Variants in CHRNB1 observed in about 807,000 individuals in gnomAD.
CHRNB1 encodes cholinergic receptor nicotinic beta 1 subunit, also known as acetylcholine receptor subunit beta.
A neutral mutation model predicts 53.8 loss-of-function variants in CHRNB1; 47 were observed. That is an observed-to-expected ratio of 0.87 (90% confidence interval 0.69 to 1.11). The LOEUF is 1.11. Ranked by LOEUF, CHRNB1 falls within the 50% of genes most tolerant of loss-of-function variation. The pLI, the probability that CHRNB1 is intolerant of heterozygous loss-of-function variation, is 0.00. For missense variants in CHRNB1, 605 were observed against 654.9 expected (o/e 0.92, Z 0.83); for synonymous variants, 259 against 263.5 (o/e 0.98, Z 0.16).
In CHRNB1 at chr17:7,445,272, G is replaced by C; in HGVS notation, c.61G>C (p.Val21Leu). ...GALGAPLAPG[V>L]RGSEAEGRLR... The stretch of plus-strand genomic sequence containing the variant: ...GCACTTATTCTCTCCTCCCCCAGGC[G>C]TCCGCGGCTCGGAGGCGGAGGGTCG... The change falls in exon 2 of 11, where the codon GTC becomes CTC. Residue 21 changes from valine to leucine, a missense_variant and splice_region_variant. Physicochemically the swap from Val to Leu is conservative, Grantham distance 32. Coordinates refer to ENST00000306071, the MANE Select transcript of CHRNB1 (RefSeq NM_000747.3). This position sits in a 1 kb window ranked among gnomAD's most constrained non-coding sequence, Gnocchi z 5.7. The C allele has an allele frequency of 6.2e-7, 1 of 1,612,952 alleles. No individual in the cohort carries two copies.
At chr17:7,454,661 C>G in intron 8 of CHRNB1, 141 bp downstream of exon 8, 1 of 716,982 alleles carries the variant, frequency 1.4e-6, no homozygotes, top group Non-Finnish European at 2.5e-6. Flanking sequence ...CCATCATTAT[C>G]ATTTCACAGA....
intron 8 of CHRNB1, among the ~76,000 whole-genome samples, chr17:7,454,867 A>G (rs1446847337): frequency 1.4e-5 from 2 of 138,540 alleles, no homozygotes; most frequent in East Asian, 2.1e-4. Context: ...CAATGGCACA[A>G]TCTCAGCTCA....
chr17:7,450,571 A>G (rs1908849287), intron 7 of CHRNB1, among the ~76,000 whole-genome samples: 1 of 152,230 alleles, frequency 6.6e-6, no homozygotes. Flanking sequence ...AGTAAGTTCT[A>G]TGTAAGCACT....
rs1908576780 is a variant in CHRNB1 at position 7,445,683 on chromosome 17, C to T, written c.198+274C>T. The T allele has an allele frequency of 8.0e-7, 1 of 1,242,270 alleles. No homozygotes were observed. Among genetic ancestry groups the T allele is most frequent in the Non-Finnish European group, 1.1e-6 (1 of 927,094 alleles). 77.0% of individuals were successfully genotyped at this position (1,242,270 alleles called of 1,614,324 possible). On this transcript the variant is annotated intron_variant, in intron 2 of 10. Transcript: ENST00000306071. The surrounding 1 kb of genome is among the most constrained non-coding windows in gnomAD (Gnocchi z 5.7). ...TGGGGACGAGGCAGGGGCTGGGGGA[C>T]GGACCTCGACGTAGGGCCACATGAG...
Position 7,456,675 on chromosome 17 carries a change from C to T in CHRNB1, c.1458C>T (p.Ile486=). The change falls in exon 11 of 11, where the codon ATC becomes ATT. Residue 486 remains isoleucine, a synonymous_variant. Coordinates refer to ENST00000306071, the MANE Select transcript of CHRNB1 (RefSeq NM_000747.3). ...TCACCAGCGTTGGGACCCTAGTCAT[C>T]TTCCTGGACGCCACGTACCACTTGC... ...IIFTSVGTLV[I]FLDATYHLPP... 1 of 1,614,182 alleles carries T rather than the reference C, an allele frequency of 6.2e-7. No individual in the cohort carries two copies. Among genetic ancestry groups the T allele is most frequent in the African/African-American group, 1.3e-5 (1 of 75,040 alleles).
rs749304189 is a variant in CHRNB1 at position 7,445,453 on chromosome 17, G to C, written c.198+44G>C. 6.2e-7 allele frequency: 1 copy of C among 1,600,920 alleles called. No individual in the cohort carries two copies. On this transcript the variant is annotated intron_variant, in intron 2 of 10. Coordinates refer to ENST00000306071, the MANE Select transcript of CHRNB1 (RefSeq NM_000747.3). This position sits in a 1 kb window ranked among gnomAD's most constrained non-coding sequence, Gnocchi z 5.7. ...TGGAGGTCAGGCCAGCCGACCGGCC[G>C]GGGGCGTGGCTTTAGGCAAGGCCGG... is the stretch of plus-strand genomic sequence containing the variant.
rs187155279 is a variant in CHRNB1 at position 7,451,597 on chromosome 17, G to A, written c.821-2700G>A. 4.0e-4 allele frequency among the ~76,000 whole-genome samples: 61 copies of A among 151,912 alleles called. No individual in the cohort carries two copies. The East Asian group carries it at 7.6e-3, about 19-fold the overall frequency. On this transcript the variant is annotated intron_variant, in intron 7 of 10. Coordinates refer to ENST00000306071, the MANE Select transcript of CHRNB1 (RefSeq NM_000747.3). ...CGCCCAGCCTGTTATGTTTTTTAAC[G>A]TTGGTCTTTCGGCCACCAAGAGCCC...
rs1457967396 is a variant in CHRNB1 at position 7,457,377 on chromosome 17, C to G, written c.*654C>G. On this transcript the variant is annotated 3_prime_UTR_variant, in exon 11 of 11. Coordinates refer to ENST00000306071, the MANE Select transcript of CHRNB1 (RefSeq NM_000747.3). ...CCCAGTGCCACGCACAGGTGCTGAC[C>G]TATAGTAAGTGCTTAACATTTGTTG... 2.0e-5 allele frequency: 3 copies of G among 152,578 alleles called. No homozygotes were observed. The highest frequency in any genetic ancestry group is 2.9e-5 in the Non-Finnish European group (2 of 68,592). 9.5% of individuals were successfully genotyped at this position (152,578 alleles called of 1,614,324 possible).
chr17:7,452,347 CG>C (rs2150841434), intron 7 of CHRNB1, among the ~76,000 whole-genome samples: 1 of 152,282 alleles, frequency 6.6e-6, no homozygotes, highest in South Asian at 2.1e-4. Flanking sequence ...CATGAGCCAC[CG>C]CACCCAGCTT....
Position 7,445,263 on chromosome 17 carries a change from C to T in CHRNB1, c.59-7C>T, listed in dbSNP as rs778342718. ...ACCAGGGCTGCACTTATTCTCTCCT[C>T]CCCCAGGCGTCCGCGGCTCGGAGGC... On this transcript the variant is annotated splice_region_variant and splice_polypyrimidine_tract_variant and intron_variant, in intron 1 of 10. Coordinates refer to ENST00000306071, the MANE Select transcript of CHRNB1 (RefSeq NM_000747.3). This position sits in a 1 kb window ranked among gnomAD's most constrained non-coding sequence, Gnocchi z 5.7. 3 of 1,612,714 alleles carry T rather than the reference C, an allele frequency of 1.9e-6. No individual in the cohort carries two copies. Among genetic ancestry groups the T allele is most frequent in the Admixed American group, 1.7e-5 (1 of 59,954 alleles).
Position 7,445,450 on chromosome 17 carries a change from G to C in CHRNB1, c.198+41G>C. ...GGGTGGAGGTCAGGCCAGCCGACCG[G>C]CCGGGGGCGTGGCTTTAGGCAAGGC... On this transcript the variant is annotated intron_variant, in intron 2 of 10. Coordinates refer to ENST00000306071, the MANE Select transcript of CHRNB1 (RefSeq NM_000747.3). The surrounding 1 kb of genome is among the most constrained non-coding windows in gnomAD (Gnocchi z 5.7). 1 of 1,600,344 alleles carries C rather than the reference G, an allele frequency of 6.2e-7. No homozygotes were observed. The highest frequency in any genetic ancestry group is 8.5e-7 in the Non-Finnish European group (1 of 1,175,944).
At position 7,456,616 on chromosome 17, in the gene CHRNB1, G is replaced by A; in HGVS notation, c.1399G>A (p.Val467Met). Reference protein sequence around the residue: ...KEDWQFVAMVVDRLFLWTFII... With the variant: ...KEDWQFVAMVMDRLFLWTFII... The stretch of plus-strand genomic sequence containing the variant: ...GGACTGGCAGTTTGTGGCCATGGTA[G>A]TGGACCGCCTCTTCCTGTGGACTTT... The change falls in exon 11 of 11, where the codon GTG (valine) becomes ATG (methionine). Residue 467 changes from valine (V) to methionine (M), a missense_variant. Transcript: ENST00000306071. 1 of 1,614,150 alleles carries A rather than the reference G, an allele frequency of 6.2e-7. No homozygotes were observed. The highest frequency in any genetic ancestry group is 2.2e-5 in the East Asian group (1 of 44,880).
intron 8 of CHRNB1, 141 bp downstream of exon 8, chr17:7,454,661 C>A (rs1384171450): frequency 1.4e-5 from 10 of 716,860 alleles, no homozygotes; most frequent in East Asian, 2.7e-5. Flanking sequence ...CCATCATTAT[C>A]ATTTCACAGA....
chr17:7,450,895 C>G (rs548341063), intron 7 of CHRNB1, among the ~76,000 whole-genome samples: 1 of 152,174 alleles, frequency 6.6e-6, no homozygotes, highest in Non-Finnish European at 1.5e-5. Context: ...AATCCTTTGT[C>G]TAAAGAAGGA....
chr17:7,451,654 C>G (rs1597752837), intron 7 of CHRNB1, among the ~76,000 whole-genome samples: 1 of 152,102 alleles, frequency 6.6e-6, no homozygotes, highest in African/African-American at 2.4e-5. Context: ...CTGCCAGGTG[C>G]AGCCCAGGTG....
chr17:7,446,876 A>G lies in CHRNB1; in HGVS notation c.287A>G (p.Asp96Gly). The change falls in exon 4 of 11, where the codon GAC (aspartate) becomes GGC (glycine). Residue 96 changes from aspartate (D) to glycine (G), a missense_variant. Transcript: ENST00000306071. ...CTGAGCTGGGACCCTGCGGAGCACG[A>G]CGGCATCGATTCGCTCCGCATCACG... ...YRLSWDPAEHDGIDSLRITAE... is the reference protein window; with the variant it reads ...YRLSWDPAEHGGIDSLRITAE... 6.2e-7 allele frequency: 1 copy of G among 1,613,710 alleles called. No homozygotes were observed. The highest frequency in any genetic ancestry group is 8.5e-7 in the Non-Finnish European group (1 of 1,179,928).
intron 7 of CHRNB1, among the ~76,000 whole-genome samples, chr17:7,454,001 C>T (rs1468735728): frequency 6.6e-6 from 1 of 152,120 alleles, no homozygotes; most frequent in African/African-American, 2.4e-5. Context: ...GTGGAGGTTT[C>T]AATGAGCCAT....
chr17:7,447,768 G>T, intron 6 of CHRNB1, 118 bp downstream of exon 6: 1 of 1,231,010 alleles, frequency 8.1e-7, no homozygotes, highest in South Asian at 1.2e-5. Flanking sequence ...GATGGGTATG[G>T]CTATCTACAT....
In CHRNB1 at chr17:7,447,675, C is replaced by T. The variant is rs201918399; in HGVS notation, c.610+25C>T. 9 of 1,613,812 alleles carry T rather than the reference C, an allele frequency of 5.6e-6. No homozygotes were observed. The East Asian group carries it at 1.6e-4, about 28-fold the overall frequency. On this transcript the variant is annotated intron_variant, in intron 6 of 10. Transcript: ENST00000306071. Reference sequence around the variant, plus strand: ...GGTGAGTAGGCATGGCTCCTACATCCATGGGCTCTATCATTTCCAGCTTCT... The same window carrying T: ...GGTGAGTAGGCATGGCTCCTACATCTATGGGCTCTATCATTTCCAGCTTCT...
Sources: allele counts gnomAD v4.1 joint callset (sites outside exome capture counted in the v4.1 genomes callset), GRCh38; gene constraint gnomAD v4.1.1; non-coding constraint Gnocchi (gnomAD v3.1); transcripts MANE v1.5; gene names NCBI Gene and HGNC (gene_info 2026-07-23, HGNC 2026-07-21).